Variants in SMURF1 observed in about 807,000 individuals in gnomAD.
The protein encoded by SMURF1 is SMAD specific E3 ubiquitin protein ligase 1, also known as E3 ubiquitin-protein ligase SMURF1.
SMURF1 carries 44 observed loss-of-function variants against 98.0 expected under a neutral mutation model. The ratio of observed to expected loss-of-function variants is 0.45; its 90% CI spans 0.35 to 0.58. SMURF1 has a LOEUF of 0.58. SMURF1 is among the 20% of genes least tolerant of loss of function. SMURF1 has a pLI of 0.00. For missense variants in SMURF1, 687 were observed against 938.4 expected (o/e 0.73, Z 3.50); for synonymous variants, 396 against 374.9 (o/e 1.06, Z -0.65).
rs928669661 is a variant in SMURF1, at chr7:99,101,813, G to A, written c.56-39976C>T. On this transcript the variant is annotated intron_variant, in intron 1 of 17. Transcript: ENST00000361368. ...AAATTAGCCAGGCGTGGTGGTGTGC[G>A]CCTGTAAGCTATTGGGAAGGCTGAG... Among the ~76,000 whole-genome samples the A allele has an allele frequency of 4.6e-5, 7 of 152,114 alleles. No homozygotes were observed. The South Asian group carries it at 8.3e-4, about 18-fold the overall frequency.
intron 1 of SMURF1, among the ~76,000 whole-genome samples, chr7:99,130,488 T>C (rs565429433): frequency 6.6e-6 from 1 of 152,198 alleles, no homozygotes; most frequent in East Asian, 1.9e-4. Context: ...AATAACATTA[T>C]ACAACAATCC....
intron 17 of SMURF1, chr7:99,032,831 A>G: frequency 1.3e-6 from 1 of 740,794 alleles, no homozygotes. Context: ...GTCGGGGGGA[A>G]AGTCTCTTGC....
chr7:99,066,151 C>A (rs1316121793), intron 1 of SMURF1, among the ~76,000 whole-genome samples: 1 of 152,146 alleles, frequency 6.6e-6, no homozygotes, highest in African/African-American at 2.4e-5. Flanking sequence ...AAGCTCCCAA[C>A]ACAAGCTCTG....
intron 1 of SMURF1, among the ~76,000 whole-genome samples, chr7:99,115,544 G>C (rs1797420144): frequency 6.6e-6 from 1 of 152,104 alleles, no homozygotes; most frequent in Non-Finnish European, 1.5e-5. Context: ...AGTGAGCTGA[G>C]ATCATACCAC....
intron 1 of SMURF1, among the ~76,000 whole-genome samples, chr7:99,099,025 T>C (rs1228900835): frequency 1.3e-5 from 2 of 152,308 alleles, no homozygotes; most frequent in East Asian, 3.9e-4. Context: ...GAGTAGATCA[T>C]TCTATAGAAA....
intron 15 of SMURF1, chr7:99,036,446 C>T (rs1458062509): frequency 6.6e-6 from 1 of 152,004 alleles, no homozygotes; most frequent in Admixed American, 6.6e-5. Flanking sequence ...CCACTGCACT[C>T]CAGCCTGAGC....
At chr7:99,116,617 G>C (rs1194908171) in intron 1 of SMURF1, among the ~76,000 whole-genome samples, 1 of 152,044 alleles carries the variant, frequency 6.6e-6, no homozygotes, top group Non-Finnish European at 1.5e-5. Flanking sequence ...ATCTACATTA[G>C]CATCAAAGAG....
Position 99,030,599 on chromosome 7 carries a change from C to T in SMURF1, c.2181G>A (p.Gly727=). The T allele has an allele frequency of 1.9e-6, 3 of 1,614,148 alleles. No individual in the cohort carries two copies. Among genetic ancestry groups the T allele is most frequent in the Non-Finnish European group, 2.5e-6 (3 of 1,180,004 alleles). Residue 727 remains glycine, a synonymous_variant, in exon 18 of 18, where the codon GGG becomes GGA. Transcript: ENST00000361368. ...KLLTAVEETC[G]FAVE Reference sequence around the variant, plus strand: ...TGGTTGCTTTTCACTCCACAGCAAACCCGCAGGTCTCCTCCACGGCTGTCA... The same window carrying T: ...TGGTTGCTTTTCACTCCACAGCAAATCCGCAGGTCTCCTCCACGGCTGTCA...
chr7:99,112,325 G>A (rs1244141638), intron 1 of SMURF1, among the ~76,000 whole-genome samples: 1 of 152,174 alleles, frequency 6.6e-6, no homozygotes, highest in Non-Finnish European at 1.5e-5. Flanking sequence ...CAAAGACTGG[G>A]GGGTTTCTGT....
intron 1 of SMURF1, among the ~76,000 whole-genome samples, chr7:99,083,202 AC>A (rs1473178627): frequency 6.6e-6 from 1 of 152,296 alleles, no homozygotes; most frequent in East Asian, 1.9e-4. Context: ...TAAAATGGTG[AC>A]TTTTATAGTA....
chr7:99,047,963 G>C, intron 9 of SMURF1, 81 bp from the exon 10 acceptor site: 1 of 1,304,106 alleles, frequency 7.7e-7, no homozygotes. Flanking sequence ...GACAGGGTCA[G>C]AGGAGAGAGC....
chr7:99,057,116 G>A (rs960688345), intron 5 of SMURF1, 89 bp downstream of exon 5: 15 of 1,404,954 alleles, frequency 1.1e-5, no homozygotes, highest in African/African-American at 5.7e-5. Flanking sequence ...CGTCAGCATC[G>A]TCAGTGCCTG....
At chr7:99,063,237 T>A (rs1181699113) in intron 1 of SMURF1, among the ~76,000 whole-genome samples, 1 of 76,922 alleles carries the variant, frequency 1.3e-5, no homozygotes, top group East Asian at 4.4e-4. Context: ...TATATAAGAT[T>A]TATTTATATA....
chr7:99,049,583 T>C lies in SMURF1; in HGVS notation c.933A>G (p.Pro311=), dbSNP rs746041586. Residue 311 remains proline (P), a synonymous_variant, in exon 9 of 18, where the codon CCA becomes CCG. Coordinates refer to ENST00000361368, the MANE Select transcript of SMURF1 (RefSeq NM_181349.3). ...HNNRTTQFTD[P]RLHHIMNHQC... ...CTTACTTCATGATGTGGTGTAACCT[T>C]GGGTCTGTAAACTGGGTTGTTCGGT... The C allele has an allele frequency of 1.2e-6, 2 of 1,614,046 alleles. No individual in the cohort carries two copies. Among genetic ancestry groups the C allele is most frequent in the Admixed American group, 3.3e-5 (2 of 59,992 alleles).
At chr7:99,072,970 T>C (rs2150558479) in intron 1 of SMURF1, among the ~76,000 whole-genome samples, 1 of 152,332 alleles carries the variant, frequency 6.6e-6, no homozygotes, top group South Asian at 2.1e-4. Flanking sequence ...TCAGAGAGAT[T>C]AAGCAACAGC....
intron 1 of SMURF1, among the ~76,000 whole-genome samples, chr7:99,091,568 G>A (rs1796812908): frequency 6.6e-6 from 1 of 152,172 alleles, no homozygotes; most frequent in African/African-American, 2.4e-5. Context: ...GGGAGTATCT[G>A]AAACCAAGGA....
intron 1 of SMURF1, among the ~76,000 whole-genome samples, chr7:99,080,660 T>A (rs1175157187): frequency 2.0e-5 from 3 of 152,212 alleles, no homozygotes; most frequent in African/African-American, 7.2e-5. Flanking sequence ...AATTCCCACC[T>A]TATAAAAACT....
intron 1 of SMURF1, among the ~76,000 whole-genome samples, chr7:99,080,412 G>C (rs1352034714): frequency 6.6e-6 from 1 of 152,198 alleles, no homozygotes; most frequent in Non-Finnish European, 1.5e-5. Context: ...TGATTCCCCT[G>C]CCTCAGCCTC....
rs1794785101 is a variant in SMURF1 at position 99,028,793 on chromosome 7, C to T, written c.*1791G>A. The T allele has an allele frequency of 1.3e-5, 2 of 152,214 alleles. No individual in the cohort carries two copies. The highest frequency in any genetic ancestry group is 4.8e-5 in the African/African-American group (2 of 41,454). The allele number at this position is 152,214 out of a possible 1,614,324, so 9.4% of individuals were successfully genotyped here. A position where few individuals can be genotyped will look rare whatever the true frequency, so the allele number is the denominator to read the frequency against. ...TCTCTTCCGCCTCCCGCGGGTTAGG[C>T]TCGTGATAGAGAGTGGGCTGTCCGG... On this transcript the variant is annotated 3_prime_UTR_variant, in exon 18 of 18. Transcript: ENST00000361368.
Sources: gnomAD v4.1 joint callset for allele counts (sites outside exome capture counted in the v4.1 genomes callset) on GRCh38, gnomAD v4.1.1 for gene constraint, MANE v1.5 for transcripts, NCBI Gene and HGNC (gene_info 2026-07-23, HGNC 2026-07-21) for gene names.